The following ATXN7 variants were observed in gnomAD, a reference collection of about 807,000 sequenced individuals.
ATXN7 encodes the protein ataxin 7.
In ATXN7, 12 loss-of-function variants were observed where a neutral mutation model predicts 70.5. The ratio of observed to expected loss-of-function variants is 0.17; its 90% CI spans 0.11 to 0.28. The LOEUF (loss-of-function observed/expected upper bound fraction) is 0.28. Ranked by LOEUF, ATXN7 falls within the 10% of genes least tolerant of loss-of-function variation. The pLI, the probability that ATXN7 is intolerant of heterozygous loss-of-function variation, is 1.00. For synonymous variants in ATXN7, 498 were observed against 448.7 expected, an observed-to-expected ratio of 1.11 and a Z score of -1.39; for missense variants, 1,256 against 1,131.7, an observed-to-expected ratio of 1.11 and a Z score of -1.58.
Position 63,998,291 on chromosome 3 carries a change from C to T in ATXN7, c.2662-1159C>T, listed in dbSNP as rs1186034916. Reference sequence around the variant, plus strand: ...AGCAGCTGCTTCCAGACATTTGTTACCAGTTTTAAAGAGAGGCTGCAGATC... The same window carrying T: ...AGCAGCTGCTTCCAGACATTTGTTATCAGTTTTAAAGAGAGGCTGCAGATC... On this transcript the variant is annotated intron_variant, in intron 12 of 12. Transcript: ENST00000674280. The T allele has an allele frequency of 3.0e-6, 3 of 984,884 alleles. No individual in the cohort carries two copies. The South Asian group carries it at 1.4e-4, about 46-fold the overall frequency. The allele number at this position is 984,884 out of a possible 1,614,324, so 61.0% of individuals were successfully genotyped here.
intron 2 of ATXN7, chr3:63,911,631 C>T (rs530193419): frequency 2.0e-5 from 3 of 152,300 alleles, no homozygotes; most frequent in Admixed American, 6.5e-5. Context: ...GTTTCACTCT[C>T]CTCCATTCCC....
intron 5 of ATXN7, among the ~76,000 whole-genome samples, chr3:63,968,724 G>C (rs538541386): frequency 6.6e-6 from 1 of 152,286 alleles, no homozygotes; most frequent in South Asian, 2.1e-4. Context: ...GCAGAGCTAA[G>C]CTGATTCTTG....
upstream of ATXN7, chr3:63,863,819 G>A: frequency 6.5e-6 from 8 of 1,233,950 alleles, no homozygotes; most frequent in Non-Finnish European, 7.0e-6. Flanking sequence ...GGCGGCGGCG[G>A]CGGCGCAAGC....
intron 2 of ATXN7, chr3:63,911,693 G>A (rs1704017282): frequency 6.6e-6 from 1 of 152,306 alleles, no homozygotes; most frequent in Non-Finnish European, 1.5e-5. Flanking sequence ...AAGTTCCCCA[G>A]GCGCACAGTG....
At chr3:63,863,457 G>C (rs1041039644), upstream of ATXN7, 12 of 1,144,462 alleles carry the variant, frequency 1.0e-5, no homozygotes, top group Non-Finnish European at 1.3e-5. Flanking sequence ...TAGCCGTCTC[G>C]GCCACCCACG....
intron 8 of ATXN7, among the ~76,000 whole-genome samples, chr3:63,986,785 T>G (rs2075584967): frequency 6.6e-6 from 1 of 152,208 alleles, no homozygotes; most frequent in South Asian, 2.1e-4. Flanking sequence ...AGGTGGGTTG[T>G]GTTATTCAAC....
chr3:63,957,729 A>G (rs983120817), intron 5 of ATXN7, among the ~76,000 whole-genome samples: 12 of 152,194 alleles, frequency 7.9e-5, no homozygotes, highest in Non-Finnish European at 1.8e-4. Flanking sequence ...ATGGAAAGAG[A>G]TTGGAAAGGG....
intron 4 of ATXN7, among the ~76,000 whole-genome samples, chr3:63,937,840 C>G (rs886338559): frequency 2.0e-5 from 3 of 152,236 alleles, no homozygotes; most frequent in African/African-American, 7.2e-5. Context: ...TCTTGCGGTG[C>G]CTGCCTGTTT....
intron 5 of ATXN7, among the ~76,000 whole-genome samples, chr3:63,956,243 T>A (rs1369938303): frequency 1.3e-5 from 2 of 151,822 alleles, no homozygotes; most frequent in African/African-American, 2.4e-5. Context: ...TTTTTAAGAA[T>A]AAGGTGTGAA....
At position 63,956,055 on chromosome 3, in the gene ATXN7, G is replaced by A. The variant is rs531286221; in HGVS notation, c.499+3572G>A. ...ACAATTAACCAGGATTTCCATTTGAGCAATGATGGTGAATGATTGTGCTGC... is the reference window on the plus strand; with the variant it reads ...ACAATTAACCAGGATTTCCATTTGAACAATGATGGTGAATGATTGTGCTGC... On this transcript the variant is annotated intron_variant, in intron 5 of 12. Coordinates refer to ENST00000674280, the MANE Select transcript of ATXN7 (RefSeq NM_001377405.1). Among the ~76,000 whole-genome samples, 42 of 152,316 alleles carry A rather than the reference G, an allele frequency of 2.8e-4. 1 individual carries two copies. In the South Asian group the frequency reaches 6.6e-3, roughly 24 times the overall value.
intron 11 of ATXN7, among the ~76,000 whole-genome samples, chr3:63,994,105 A>G (rs529649227): frequency 3.9e-5 from 6 of 152,336 alleles, no homozygotes; most frequent in African/African-American, 1.4e-4. Flanking sequence ...CTCCCCGCAG[A>G]GACGCTGGTG....
chr3:64,001,336 A>T lies in ATXN7; in HGVS notation c.*1869A>T, dbSNP rs192294510. 1 of 152,298 alleles carries T rather than the reference A, an allele frequency of 6.6e-6. No individual in the cohort carries two copies. Among genetic ancestry groups the T allele is most frequent in the East Asian group, 1.9e-4 (1 of 5,170 alleles). 9.4% of individuals were successfully genotyped at this position (152,298 alleles called of 1,614,324 possible). On this transcript the variant is annotated 3_prime_UTR_variant, in exon 13 of 13. Transcript: ENST00000674280. ...AGAGCTTAGTAAGGAGAGGGCATGG[A>T]TGGGCCAGTTTGGCATAGTTGGGAG... is the stretch of plus-strand genomic sequence containing the variant.
At chr3:63,970,507 A>G (rs1433166263) in intron 5 of ATXN7, among the ~76,000 whole-genome samples, 40 of 152,106 alleles carry the variant, frequency 2.6e-4, no homozygotes, top group Admixed American at 2.6e-3. Flanking sequence ...TCAATAAAAT[A>G]TTTGGATTTT....
At chr3:63,969,536 A>G (rs112179462) in intron 5 of ATXN7, among the ~76,000 whole-genome samples, 151 of 152,342 alleles carry the variant, frequency 9.9e-4, no homozygotes, top group African/African-American at 3.5e-3. Flanking sequence ...GAGTTTTACC[A>G]GGTTCCTTTT....
Position 63,909,056 on chromosome 3 carries a change from GGTGCCTAGTAGA to G in ATXN7, c.-11-3522_-11-3511del, listed in dbSNP as rs1703931984. Among the ~76,000 whole-genome samples the G allele has an allele frequency of 2.6e-5, 4 of 152,270 alleles. No individual in the cohort carries two copies. The South Asian group carries it at 8.3e-4, about 32-fold the overall frequency. ...GAAATTACTATCTTGTGTTCACCCT[GGTGCCTAGTAGA>G]GTGCCTAGTCTGTAGCAGGCAATCA... is the stretch of plus-strand genomic sequence containing the variant. On this transcript the variant is annotated intron_variant, in intron 2 of 12. Transcript: ENST00000674280.
intron 12 of ATXN7, 122 bp from the exon 13 acceptor site, chr3:63,999,328 C>T: frequency 2.6e-6 from 2 of 776,758 alleles, no homozygotes; most frequent in Non-Finnish European, 4.4e-6. Flanking sequence ...TGGTGTCACT[C>T]AGTCAATGGA....
At chr3:63,892,479 A>ACC (rs1162105298) in intron 1 of ATXN7, among the ~76,000 whole-genome samples, 1 of 147,404 alleles carries the variant, frequency 6.8e-6, no homozygotes, top group African/African-American at 2.6e-5. Context: ...ACACACACAC[A>ACC]CACACACACA....
intron 5 of ATXN7, among the ~76,000 whole-genome samples, chr3:63,966,776 A>C (rs1288693904): frequency 6.6e-6 from 1 of 152,194 alleles, no homozygotes; most frequent in Non-Finnish European, 1.5e-5. Flanking sequence ...ATTTCCACAT[A>C]TGTAATTCAT....
At chr3:63,941,438 G>A (rs1472488047) in intron 4 of ATXN7, among the ~76,000 whole-genome samples, 2 of 152,178 alleles carry the variant, frequency 1.3e-5, no homozygotes, top group Non-Finnish European at 2.9e-5. Context: ...AAGGTATCTA[G>A]GTTGTGTGCT....
Sources: gnomAD v4.1 joint callset for allele counts (sites outside exome capture counted in the v4.1 genomes callset) on GRCh38, gnomAD v4.1.1 for gene constraint, MANE v1.5 for transcripts, NCBI Gene and HGNC (gene_info 2026-07-23, HGNC 2026-07-21) for gene names.